Variants in GRIN2B observed in about 807,000 individuals in gnomAD.
GRIN2B encodes the protein glutamate ionotropic receptor NMDA type subunit 2B, also known as glutamate receptor ionotropic, NMDA 2B.
A neutral mutation model predicts 114.5 loss-of-function variants in GRIN2B; 5 were observed. The ratio of observed to expected loss-of-function variants is 0.04; its 90% CI spans 0.02 to 0.09. GRIN2B has a LOEUF of 0.09. Ranked by LOEUF, GRIN2B falls within the 10% of genes least tolerant of loss-of-function variation. The probability of loss-of-function intolerance (pLI) is 1.00; values close to 1 mark genes in which losing one functional copy is unlikely to be tolerated. For missense variants in GRIN2B, 1,108 were observed against 1,943.5 expected, an observed-to-expected ratio of 0.57 and a Z score of 8.08; for synonymous variants, 787 against 745.1, an observed-to-expected ratio of 1.06 and a Z score of -0.92.
chr12:13,861,224 T>C (rs752823148), intron 3 of GRIN2B, among the ~76,000 whole-genome samples: 2 of 152,198 alleles, frequency 1.3e-5, no homozygotes, highest in Non-Finnish European at 2.9e-5. Context: ...TGCAGAATTG[T>C]ATAATAGAAA....
chr12:13,728,285 A>G (rs1863025942), intron 4 of GRIN2B, among the ~76,000 whole-genome samples: 1 of 152,172 alleles, frequency 6.6e-6, no homozygotes, highest in Non-Finnish European at 1.5e-5. Flanking sequence ...ACTTTGGGGT[A>G]TGGGAACCAA....
chr12:13,648,259 A>G (rs1449839440), intron 5 of GRIN2B, among the ~76,000 whole-genome samples: 2 of 152,054 alleles, frequency 1.3e-5, no homozygotes, highest in Non-Finnish European at 2.9e-5. Flanking sequence ...AACTTATTCC[A>G]TGCCAGGCCC....
At chr12:13,747,986 T>C (rs1863416289) in intron 4 of GRIN2B, among the ~76,000 whole-genome samples, 1 of 152,196 alleles carries the variant, frequency 6.6e-6, no homozygotes, top group Non-Finnish European at 1.5e-5. Flanking sequence ...CTCAAGGTTG[T>C]AGGAAGATTG....
chr12:13,590,922 T>C (rs1311306037), intron 10 of GRIN2B, among the ~76,000 whole-genome samples: 1 of 151,866 alleles, frequency 6.6e-6, no homozygotes, highest in African/African-American at 2.4e-5. Context: ...AAGACACAGA[T>C]TCAGAAATGC....
chr12:13,893,742 T>G (rs2136779346), intron 2 of GRIN2B, among the ~76,000 whole-genome samples: 1 of 152,150 alleles, frequency 6.6e-6, no homozygotes, highest in East Asian at 1.9e-4. Context: ...ACTTACTATT[T>G]TAAACAATGA....
chr12:13,853,287 A>T (rs1330206497), intron 3 of GRIN2B, among the ~76,000 whole-genome samples: 1 of 152,306 alleles, frequency 6.6e-6, no homozygotes, highest in East Asian at 1.9e-4. Context: ...AACCTCAAAT[A>T]GTTCCTAATA....
chr12:13,566,903 T>G, intron 13 of GRIN2B, 122 bp downstream of exon 13: 1 of 762,732 alleles, frequency 1.3e-6, no homozygotes, highest in Non-Finnish European at 2.4e-6. Context: ...ACATACATGA[T>G]GTGGTTTCTT....
intron 4 of GRIN2B, among the ~76,000 whole-genome samples, chr12:13,746,535 C>T (rs1393740526): frequency 6.6e-6 from 1 of 152,186 alleles, no homozygotes; most frequent in Non-Finnish European, 1.5e-5. Context: ...CCACCCCACT[C>T]ACTGTCCTCA....
chr12:13,737,843 C>T (rs1382948716), intron 4 of GRIN2B, among the ~76,000 whole-genome samples: 1 of 152,182 alleles, frequency 6.6e-6, no homozygotes, highest in Non-Finnish European at 1.5e-5. Context: ...CTTCTTATTC[C>T]TTTAGACAAA....
intron 3 of GRIN2B, among the ~76,000 whole-genome samples, chr12:13,782,528 T>A (rs1864136563): frequency 6.6e-6 from 1 of 151,580 alleles, no homozygotes; most frequent in Non-Finnish European, 1.5e-5. Context: ...GTCTTTGAGT[T>A]GAAACTACAA....
intron 2 of GRIN2B, among the ~76,000 whole-genome samples, chr12:13,874,334 C>G (rs1865961710): frequency 6.6e-6 from 1 of 152,130 alleles, no homozygotes; most frequent in South Asian, 2.1e-4. Context: ...TCTACTGTCA[C>G]CCATATTCTT....
At chr12:13,806,604 A>G (rs1416776404) in intron 3 of GRIN2B, among the ~76,000 whole-genome samples, 1 of 152,004 alleles carries the variant, frequency 6.6e-6, no homozygotes, top group Non-Finnish European at 1.5e-5. Flanking sequence ...CTTGAGTTAT[A>G]TATTTTTAAT....
chr12:13,935,132 C>A (rs1170682085), intron 2 of GRIN2B, among the ~76,000 whole-genome samples: 1 of 152,136 alleles, frequency 6.6e-6, no homozygotes, highest in African/African-American at 2.4e-5. Context: ...TATGTGGAAA[C>A]GTAAGATTAA....
chr12:13,839,963 G>T (rs1865349236), intron 3 of GRIN2B, among the ~76,000 whole-genome samples: 1 of 152,044 alleles, frequency 6.6e-6, no homozygotes, highest in Non-Finnish European at 1.5e-5. Flanking sequence ...AGAAACCATG[G>T]GATATTTTTA....
chr12:13,562,564 G>T lies in GRIN2B; in HGVS notation c.*219C>A, dbSNP rs80081965. 3.5e-6 allele frequency: 2 copies of T among 572,656 alleles called. No individual in the cohort carries two copies. Among genetic ancestry groups the T allele is most frequent in the Non-Finnish European group, 6.2e-6 (2 of 320,452 alleles). The allele number at this position is 572,656 out of a possible 1,614,324, so 35.5% of individuals were successfully genotyped here. ...CATGGGAACAGGAATGGCTGACAGC[G>T]GGGGGAAGAAGGAGAGAACTGTGAA... On this transcript the variant is annotated 3_prime_UTR_variant, in exon 14 of 14. Coordinates refer to ENST00000609686, the MANE Select transcript of GRIN2B (RefSeq NM_000834.5).
intron 5 of GRIN2B, among the ~76,000 whole-genome samples, chr12:13,636,535 G>C (rs113617438): frequency 6.6e-6 from 1 of 152,182 alleles, no homozygotes; most frequent in African/African-American, 2.4e-5. Flanking sequence ...TGGCAATAGA[G>C]GGAGTGTGAA....
chr12:13,769,992 G>A (rs1183744566), intron 3 of GRIN2B, among the ~76,000 whole-genome samples: 2 of 152,202 alleles, frequency 1.3e-5, no homozygotes, highest in African/African-American at 4.8e-5. Context: ...TTTTGTTTGA[G>A]TTTCTGCTCA....
intron 2 of GRIN2B, among the ~76,000 whole-genome samples, chr12:13,953,917 T>G (rs944935286): frequency 1.3e-5 from 2 of 152,224 alleles, no homozygotes; most frequent in Non-Finnish European, 2.9e-5. Flanking sequence ...TTTTCTTCAC[T>G]GAATAATAAT....
intron 3 of GRIN2B, among the ~76,000 whole-genome samples, chr12:13,779,564 A>G (rs1864069131): frequency 6.6e-6 from 1 of 152,254 alleles, no homozygotes; most frequent in South Asian, 2.1e-4. Flanking sequence ...TATATCTAAA[A>G]TATTAATTCA....
Sources: gnomAD v4.1 joint callset for allele counts (sites outside exome capture counted in the v4.1 genomes callset) on GRCh38, gnomAD v4.1.1 for gene constraint, MANE v1.5 for transcripts, NCBI Gene and HGNC (gene_info 2026-07-23, HGNC 2026-07-21) for gene names.